The following MARCHF11 variants were observed in gnomAD, a reference collection of about 807,000 sequenced individuals.
MARCHF11 encodes the protein E3 ubiquitin-protein ligase MARCHF11.
In MARCHF11, 29 loss-of-function variants were observed where a neutral mutation model predicts 37.3. That is an observed-to-expected ratio of 0.78 (90% CI 0.58 to 1.06). The LOEUF (loss-of-function observed/expected upper bound fraction) is 1.06, where lower values mean the gene tolerates loss of function less well. MARCHF11 is among the 50% of genes least tolerant of loss of function. MARCHF11 has a pLI of 0.00. For synonymous variants in MARCHF11, 233 were observed against 228.0 expected, an observed-to-expected ratio of 1.02 and a Z score of -0.20; for missense variants, 482 against 533.4, an observed-to-expected ratio of 0.90 and a Z score of 0.95.
At chr5:16,110,313 C>G (rs1463700606) in intron 2 of MARCHF11, among the ~76,000 whole-genome samples, 1 of 152,074 alleles carries the variant, frequency 6.6e-6, no homozygotes. Flanking sequence ...GGCAGTGAGA[C>G]ATCATGTAGT....
chr5:16,131,572 C>T (rs761217277), intron 2 of MARCHF11, among the ~76,000 whole-genome samples: 1 of 152,142 alleles, frequency 6.6e-6, no homozygotes, highest in Non-Finnish European at 1.5e-5. Flanking sequence ...AAGAAAAAGG[C>T]AGAGGATTTA....
At chr5:16,168,816 A>G (rs932559105) in intron 2 of MARCHF11, among the ~76,000 whole-genome samples, 2 of 152,138 alleles carry the variant, frequency 1.3e-5, no homozygotes, top group Non-Finnish European at 2.9e-5. Context: ...GGCCTGGCAA[A>G]TCCTCTGTTC....
At chr5:16,173,726 G>C (rs1455028018) in intron 2 of MARCHF11, among the ~76,000 whole-genome samples, 1 of 152,208 alleles carries the variant, frequency 6.6e-6, no homozygotes, top group African/African-American at 2.4e-5. Context: ...CTGTGGCAGT[G>C]AGCAAGTGAA....
chr5:16,124,282 A>C (rs1737362838), intron 2 of MARCHF11, among the ~76,000 whole-genome samples: 1 of 152,206 alleles, frequency 6.6e-6, no homozygotes, highest in South Asian at 2.1e-4. Flanking sequence ...TTATCTATGT[A>C]AAGTGACTCA....
chr5:16,155,037 C>CATTTTT (rs775751778), intron 2 of MARCHF11, among the ~76,000 whole-genome samples: 1 of 151,840 alleles, frequency 6.6e-6, no homozygotes, highest in Non-Finnish European at 1.5e-5. Flanking sequence ...TTTGACACAT[C>CATTTTT]ATTTTTATTA....
intron 2 of MARCHF11, among the ~76,000 whole-genome samples, chr5:16,135,451 A>T (rs917877295): frequency 6.6e-6 from 1 of 152,226 alleles, no homozygotes; most frequent in Non-Finnish European, 1.5e-5. Flanking sequence ...GAATAATTAA[A>T]CATGAGATTA....
intron 3 of MARCHF11, among the ~76,000 whole-genome samples, chr5:16,072,508 C>T (rs1736455841): frequency 8.9e-6 from 1 of 111,854 alleles, no homozygotes; most frequent in Admixed American, 9.9e-5. Flanking sequence ...CTCTCTCTCA[C>T]TCTGTGTGTG....
rs79904815 is a variant in MARCHF11, at chr5:16,088,913, T to A, written c.886+1976A>T. ...GTTTTTGTTTCTAAGAAATTTGACT[T>A]TATAAAATGGGCAAATGCTCAAATT... is the stretch of plus-strand genomic sequence containing the variant. On this transcript the variant is annotated intron_variant, in intron 3 of 3. Transcript: ENST00000332432. Among the ~76,000 whole-genome samples, 1,346 of 152,256 alleles carry A rather than the reference T, an allele frequency of 8.8e-3. 16 individuals carry two copies. Among genetic ancestry groups the A allele is most frequent in the African/African-American group, 0.031 (1,272 of 41,542 alleles).
At chr5:16,145,038 G>A (rs113169986) in intron 2 of MARCHF11, among the ~76,000 whole-genome samples, 3,814 of 152,192 alleles carry the variant, frequency 0.025, 123 homozygotes, top group African/African-American at 0.066. Flanking sequence ...TAGACATTAC[G>A]GGTTAGTAGA....
intron 3 of MARCHF11, among the ~76,000 whole-genome samples, chr5:16,083,943 T>A (rs1371850724): frequency 6.6e-6 from 1 of 152,220 alleles, no homozygotes; most frequent in Admixed American, 6.5e-5. Context: ...TGTGGGAAAC[T>A]TATTTGTGAT....
chr5:16,104,102 C>T (rs917172234), intron 2 of MARCHF11, among the ~76,000 whole-genome samples: 2 of 152,168 alleles, frequency 1.3e-5, no homozygotes, highest in East Asian at 1.9e-4. Context: ...CCAGAGACTT[C>T]GTGTATCACC....
At chr5:16,165,959 C>G (rs1307620237) in intron 2 of MARCHF11, among the ~76,000 whole-genome samples, 1 of 152,032 alleles carries the variant, frequency 6.6e-6, no homozygotes, top group African/African-American at 2.4e-5. Context: ...CATTGAACCA[C>G]CAGTGCAATT....
At chr5:16,118,717 G>C (rs1431973479) in intron 2 of MARCHF11, among the ~76,000 whole-genome samples, 1 of 152,124 alleles carries the variant, frequency 6.6e-6, no homozygotes. Context: ...AGGAAAGCAA[G>C]TGGACAAAGG....
At chr5:16,115,193 A>C (rs1737210158) in intron 2 of MARCHF11, among the ~76,000 whole-genome samples, 1 of 152,246 alleles carries the variant, frequency 6.6e-6, no homozygotes, top group Non-Finnish European at 1.5e-5. Context: ...AATTTACGTA[A>C]GATAAAATTT....
intron 2 of MARCHF11, among the ~76,000 whole-genome samples, chr5:16,169,753 A>C (rs755602136): frequency 1.3e-5 from 2 of 151,818 alleles, no homozygotes; most frequent in Admixed American, 6.6e-5. Flanking sequence ...TTCTTGGCCA[A>C]CTCCTCTGTG....
chr5:16,131,650 C>T (rs1737517153), intron 2 of MARCHF11, among the ~76,000 whole-genome samples: 1 of 152,288 alleles, frequency 6.6e-6, no homozygotes, highest in East Asian at 1.9e-4. Context: ...CGCTCAGCCC[C>T]TCTGGGATTC....
At chr5:16,157,286 T>A (rs1409290438) in intron 2 of MARCHF11, among the ~76,000 whole-genome samples, 1 of 151,898 alleles carries the variant, frequency 6.6e-6, no homozygotes, top group African/African-American at 2.4e-5. Flanking sequence ...ATCTACAAAT[T>A]CAATGCAAAC....
chr5:16,116,254 C>A (rs1054309910), intron 2 of MARCHF11, among the ~76,000 whole-genome samples: 2 of 152,102 alleles, frequency 1.3e-5, no homozygotes, highest in Non-Finnish European at 2.9e-5. Context: ...TGTACAGGCA[C>A]AAAATTGAAT....
chr5:16,163,216 C>A (rs1738114764), intron 2 of MARCHF11, among the ~76,000 whole-genome samples: 1 of 151,850 alleles, frequency 6.6e-6, no homozygotes, highest in Admixed American at 6.6e-5. Flanking sequence ...TAGAAAAGAA[C>A]AGGTTTCCAC....
Sources: allele counts gnomAD v4.1 joint callset (sites outside exome capture counted in the v4.1 genomes callset), GRCh38; gene constraint gnomAD v4.1.1; transcripts MANE v1.5; gene names NCBI Gene and HGNC (gene_info 2026-07-23, HGNC 2026-07-21).